Variants in HCFC1 observed in about 807,000 individuals in gnomAD.
HCFC1 encodes host cell factor C1, also known as host cell factor 1.
HCFC1 carries 7 observed loss-of-function variants against 105.5 expected under a neutral mutation model. The observed-to-expected ratio is 0.07, with a 90% CI of 0.04 to 0.12. The LOEUF (loss-of-function observed/expected upper bound fraction) is 0.12, where lower values mean the gene tolerates loss of function less well. HCFC1 is among the 10% of genes least tolerant of loss of function. The pLI is 1.00. For missense variants in HCFC1, 1,065 were observed against 1,823.6 expected (o/e 0.58, Z 7.58); for synonymous variants, 918 against 828.1 (o/e 1.11, Z -1.86).
At chrX:153,952,424 G>A (rs1489063826) in intron 19 of HCFC1, 90 bp downstream of exon 19, 3 of 996,008 alleles carry the variant, frequency 3.0e-6, no homozygotes, top group East Asian at 3.2e-5. Flanking sequence ...TGCCACCCTC[G>A]AGGGAAATGG....
chrX:153,957,830 T>A lies in HCFC1; in HGVS notation c.2085A>T (p.Ser695=). 2 of 1,211,050 alleles carry A rather than the reference T, an allele frequency of 1.7e-6. No individual in the cohort carries two copies. The highest frequency in any genetic ancestry group is 2.2e-6 in the Non-Finnish European group (2 of 894,602). ...CCGTGGACGCCTGGCCTGTGACTGC[T>A]GAAGTCTGAACTGGTTTGGTCTGGA... is the stretch of plus-strand genomic sequence containing the variant. The part of the protein sequence containing the change: ...SVVQTKPVQT[S]AVTGQASTGP... Residue 695 remains serine (S), a synonymous_variant, in exon 12 of 26, where the codon TCA becomes TCT. Coordinates refer to ENST00000310441, the MANE Select transcript of HCFC1 (RefSeq NM_005334.3).
rs782040486 is a variant in HCFC1 at position 153,953,766 on chromosome X, G to A, written c.4338C>T (p.Pro1446=). 3.0e-5 allele frequency: 36 copies of A among 1,201,447 alleles called. No individual in the cohort carries two copies. The South Asian group carries it at 5.2e-4, about 17-fold the overall frequency. The part of the protein sequence containing the change: ...VTSNMSSNQD[P]PPAASDQGEV... Reference sequence around the variant, plus strand: ...CTCCCTGATCGCTGGCAGCAGGTGGGGGGTCTGTGGGGGCGACAGGCAGGC... The same window carrying A: ...CTCCCTGATCGCTGGCAGCAGGTGGAGGGTCTGTGGGGGCGACAGGCAGGC... Residue 1446 remains proline, a synonymous_variant, in exon 18 of 26, where the codon CCC becomes CCT. Transcript: ENST00000310441.
chrX:153,962,132 G>C, intron 5 of HCFC1, 90 bp downstream of exon 5: 1 of 679,732 alleles, frequency 1.5e-6, no homozygotes, highest in South Asian at 2.5e-5. Flanking sequence ...TCAGGCCTTA[G>C]GGTCTGACAG....
chrX:153,964,017 C>G, intron 3 of HCFC1, 107 bp downstream of exon 3: 4 of 674,452 alleles, frequency 5.9e-6, no homozygotes, highest in Non-Finnish European at 8.4e-6. Context: ...GAGAAAGGGA[C>G]CCGGCCACGG....
chrX:153,960,524 T>A, intron 6 of HCFC1, 110 bp from the exon 7 acceptor site: 1 of 490,451 alleles, frequency 2.0e-6, no homozygotes, highest in Non-Finnish European at 3.2e-6. Context: ...ATCAAGAAGT[T>A]ATTGGATTAT....
intron 1 of HCFC1, among the ~76,000 whole-genome samples, chrX:153,969,009 G>A (rs1464684016): frequency 7.1e-5 from 8 of 112,397 alleles, no homozygotes; most frequent in Non-Finnish European, 1.5e-4. Flanking sequence ...GGCAACAGGT[G>A]CTGAGAGACC....
Position 153,956,949 on chromosome X carries a change from G to A in HCFC1, c.2465C>T (p.Ala822Val). 8.3e-7 allele frequency: 1 copy of A among 1,210,659 alleles called. No homozygotes were observed. Among genetic ancestry groups the A allele is most frequent in the Non-Finnish European group, 1.1e-6 (1 of 895,292 alleles). The change falls in exon 14 of 26, where the codon GCC becomes GTC. Residue 822 changes from alanine to valine, a missense_variant. Ala to Val is a moderately conservative substitution (Grantham distance 64, BLOSUM62 0). Transcript: ENST00000310441. ...CACTCCCTGCTGCCCGTGGCCAGTG[G>A]CAATTTTGGGGACAGCAGTGATGAT... The part of the protein sequence containing the change: ...AKIITAVPKI[A>V]TGHGQQGVTQ...
intron 1 of HCFC1, among the ~76,000 whole-genome samples, chrX:153,969,570 C>T (rs1178526763): frequency 8.9e-6 from 1 of 112,883 alleles, no homozygotes; most frequent in African/African-American, 3.2e-5. Flanking sequence ...GGAACTGACC[C>T]TTGTGCTAGG....
chrX:153,952,390 G>T, intron 19 of HCFC1, 124 bp downstream of exon 19: 1 of 888,070 alleles, frequency 1.1e-6, no homozygotes, highest in Non-Finnish European at 1.5e-6. Context: ...CCCTGTGCTC[G>T]TCCTCCCCAT....
intron 24 of HCFC1, 91 bp downstream of exon 24, chrX:153,950,152 G>T: frequency 1.0e-6 from 1 of 959,972 alleles, no homozygotes; most frequent in Non-Finnish European, 1.4e-6. Context: ...GCCGCACATG[G>T]GAAAAAATCT....
chrX:153,955,659 T>A, intron 16 of HCFC1, 117 bp from the exon 17 acceptor site: 1 of 750,692 alleles, frequency 1.3e-6, no homozygotes, highest in Non-Finnish European at 1.9e-6. Context: ...TCAACGGCCC[T>A]GGCAGACGTA....
intron 11 of HCFC1, 50 bp downstream of exon 11, chrX:153,957,975 G>T (rs200240967): frequency 8.6e-7 from 1 of 1,160,645 alleles, no homozygotes; most frequent in Non-Finnish European, 1.2e-6. Flanking sequence ...GGCCCAGGGC[G>T]GCCATTCACC....
Position 153,951,625 on chromosome X carries a change from C to T in HCFC1, c.5343G>A (p.Leu1781=). 8.3e-7 allele frequency: 1 copy of T among 1,211,421 alleles called. No individual in the cohort carries two copies. The highest frequency in any genetic ancestry group is 1.1e-6 in the Non-Finnish European group (1 of 895,513). ...ACTCGATGCCATTGGCCACTTCGGTCAGGGTAGCTGCAGCCTGCAGCTTGG... is the reference window on the plus strand; with the variant it reads ...ACTCGATGCCATTGGCCACTTCGGTTAGGGTAGCTGCAGCCTGCAGCTTGG... ...SPAKLQAAAT[L]TEVANGIESL... The change falls in exon 21 of 26, where the codon CTG becomes CTA. Residue 1781 remains leucine, a synonymous_variant. Coordinates refer to ENST00000310441, the MANE Select transcript of HCFC1 (RefSeq NM_005334.3).
chrX:153,957,320 C>T lies in HCFC1; in HGVS notation c.2347G>A (p.Ala783Thr). 2 of 1,191,912 alleles carry T rather than the reference C, an allele frequency of 1.7e-6. No homozygotes were observed. Among genetic ancestry groups the T allele is most frequent in the Non-Finnish European group, 2.3e-6 (2 of 882,587 alleles). Residue 783 changes from alanine (A) to threonine (T), a missense_variant, in exon 13 of 26, where the codon GCC becomes ACC. Around this residue, in one of 17 missense-constraint regions of HCFC1, gnomAD observed 137 missense variants for 378.2 expected, o/e 0.36. Transcript: ENST00000310441. ...TGTCGGGGGAGGCCCCTACCCGTGG[C>T]GCCCGCCTGGGTGATGATGGCCGAC... ...PMSAIITQAG[A>T]TGVTSSPGIK... is the part of the protein sequence containing the mutation.
Position 153,959,326 on chromosome X carries a change from C to T in HCFC1, c.1605+5G>A. On this transcript the variant is annotated splice_donor_5th_base_variant and intron_variant, in intron 9 of 25. Coordinates refer to ENST00000310441, the MANE Select transcript of HCFC1 (RefSeq NM_005334.3). The stretch of plus-strand genomic sequence containing the variant: ...ATCCCACCCGCCCCAGTGACCACTC[C>T]TCACCGTTCCCTGGGCACTCTGTGT... 1 of 1,199,167 alleles carries T rather than the reference C, an allele frequency of 8.3e-7. No individual in the cohort carries two copies.
At position 153,970,831 on chromosome X, in the gene HCFC1, C is replaced by G; in HGVS notation, c.10G>C (p.Ala4Pro). Residue 4 changes from alanine to proline, a missense_variant, in exon 1 of 26, where the codon GCC (alanine) becomes CCC (proline). This residue lies in a region of HCFC1 where 12 missense variants were observed against 16.1 expected (regional missense o/e 0.74). Coordinates refer to ENST00000310441, the MANE Select transcript of HCFC1 (RefSeq NM_005334.3). MAS[A>P]VSPANLPAVL... ...GCTGGCAAGTTGGCGGGCGACACGG[C>G]CGAAGCCATAGTTCCGGGAAAGGGT... The G allele has an allele frequency of 7.8e-6, 9 of 1,159,052 alleles. No homozygotes were observed. The highest frequency in any genetic ancestry group is 9.2e-6 in the Non-Finnish European group (8 of 872,594).
intron 3 of HCFC1, 33 bp downstream of exon 3, chrX:153,964,091 C>T (rs1461037956): frequency 9.4e-6 from 11 of 1,164,490 alleles, no homozygotes; most frequent in Non-Finnish European, 1.3e-5. Context: ...CACACCCACC[C>T]GGGGGGTTCC....
At position 153,956,875 on chromosome X, in the gene HCFC1, T is replaced by C. The variant is rs782759104; in HGVS notation, c.2496+43A>G. ...ACCTGCGTGGCGTGCTGGGGTGGAC[T>C]GCACTAGGACACTGGGCTGAGAGAC... On this transcript the variant is annotated intron_variant, in intron 14 of 25. Transcript: ENST00000310441. 4.1e-6 allele frequency: 5 copies of C among 1,207,021 alleles called. No individual in the cohort carries two copies. In the Admixed American group the frequency reaches 1.1e-4, roughly 26 times the overall value.
rs781848939 is a variant in HCFC1, at chrX:153,956,368, G to A, written c.2679C>T (p.Ser893=). 3 of 1,212,248 alleles carry A rather than the reference G, an allele frequency of 2.5e-6. No homozygotes were observed. The highest frequency in any genetic ancestry group is 3.3e-6 in the Non-Finnish European group (3 of 895,555). ...LGTVTGTVST[S]LAGAGGHSTS... Reference sequence around the variant, plus strand: ...TGCTGTGGCCCCCCGCCCCGGCAAGGCTGGTGGAGACGGTGCCTGTCACTG... The same window carrying A: ...TGCTGTGGCCCCCCGCCCCGGCAAGACTGGTGGAGACGGTGCCTGTCACTG... Residue 893 remains serine (S), a synonymous_variant, in exon 16 of 26, where the codon AGC becomes AGT. Transcript: ENST00000310441.
Sources: allele counts gnomAD v4.1 joint callset (sites outside exome capture counted in the v4.1 genomes callset), GRCh38; gene constraint gnomAD v4.1.1; regional missense constraint gnomAD v4.1.1; transcripts MANE v1.5; gene names NCBI Gene and HGNC (gene_info 2026-07-23, HGNC 2026-07-21).